The following CACNA1E variants were observed in gnomAD, a reference collection of about 807,000 sequenced individuals.
The protein encoded by CACNA1E is voltage-dependent R-type calcium channel subunit alpha-1E.
Under a neutral mutation model 259.2 loss-of-function variants are expected in CACNA1E, and 40 were observed. The observed-to-expected ratio is 0.15, with a 90% CI of 0.12 to 0.20. The LOEUF is 0.20. Ranked by LOEUF, CACNA1E falls within the 10% of genes least tolerant of loss-of-function variation. The pLI, the probability that CACNA1E is intolerant of heterozygous loss-of-function variation, is 1.00. For missense variants in CACNA1E, 1,874 were observed against 3,040.1 expected (o/e 0.62, Z 9.02); for synonymous variants, 1,104 against 1,138.5 (o/e 0.97, Z 0.61).
rs371537102 is a variant in CACNA1E at position 181,777,881 on chromosome 1, G to A, written c.5267+1653G>A. Among the ~76,000 whole-genome samples the A allele has an allele frequency of 3.1e-4, 47 of 152,312 alleles. No individual in the cohort carries two copies. The East Asian group carries it at 4.8e-3, about 16-fold the overall frequency. ...ACTCACCCAAGAGGAGAAACCAACT[G>A]TGAGCAAAAAAGTCCATTGTTCATC... On this transcript the variant is annotated intron_variant, in intron 38 of 47. Coordinates refer to ENST00000367573, the MANE Select transcript of CACNA1E (RefSeq NM_001205293.3).
intron 6 of CACNA1E, among the ~76,000 whole-genome samples, chr1:181,612,715 A>G (rs914630301): frequency 8.5e-5 from 13 of 152,156 alleles, no homozygotes; most frequent in Non-Finnish European, 1.5e-5. Flanking sequence ...CATATTCATA[A>G]CGGCTCTTTG....
intron 16 of CACNA1E, among the ~76,000 whole-genome samples, chr1:181,724,198 C>T (rs1264332049): frequency 1.3e-5 from 2 of 152,082 alleles, no homozygotes; most frequent in Admixed American, 6.5e-5. Flanking sequence ...TTTTCCTCAC[C>T]CCATCTGGCC....
chr1:181,650,510 A>G (rs923545985), intron 6 of CACNA1E, among the ~76,000 whole-genome samples: 2 of 152,190 alleles, frequency 1.3e-5, no homozygotes, highest in African/African-American at 4.8e-5. Flanking sequence ...GTCAAAGGGA[A>G]GACTGAGAAC....
In CACNA1E at chr1:181,678,673, T is replaced by C. The variant is rs141932553; in HGVS notation, c.1055+27232T>C. On this transcript the variant is annotated intron_variant, in intron 7 of 47. Coordinates refer to ENST00000367573, the MANE Select transcript of CACNA1E (RefSeq NM_001205293.3). The stretch of plus-strand genomic sequence containing the variant: ...ACCTCTTAGGAAAAGAGGGAGGCAA[T>C]TTAGCATTGTTTTGGATTACGGGGC... Among the ~76,000 whole-genome samples the C allele has an allele frequency of 5.8e-3, 876 of 152,296 alleles. 40 individuals are homozygous for C. Among genetic ancestry groups the C allele is most frequent in the Admixed American group, 0.047 (714 of 15,306 alleles).
chr1:181,504,669 C>T (rs1665557503), intron 1 of CACNA1E, among the ~76,000 whole-genome samples: 1 of 152,242 alleles, frequency 6.6e-6, no homozygotes, highest in South Asian at 2.1e-4. Context: ...GAACCAGCAT[C>T]ACCACCCTTG....
chr1:181,383,451 A>C (rs1372050564), intron 1 of CACNA1E, among the ~76,000 whole-genome samples: 1 of 152,242 alleles, frequency 6.6e-6, no homozygotes, highest in Non-Finnish European at 1.5e-5. Context: ...GAAAGGAAGC[A>C]GAAGTAGTAA....
intron 1 of CACNA1E, among the ~76,000 whole-genome samples, chr1:181,497,941 G>A (rs1049799559): frequency 3.9e-5 from 6 of 152,126 alleles, no homozygotes; most frequent in Non-Finnish European, 7.3e-5. Flanking sequence ...AGCTTGAGTC[G>A]GAATCTGAGA....
chr1:181,547,598 C>T (rs376928202), intron 3 of CACNA1E, among the ~76,000 whole-genome samples: 16 of 152,358 alleles, frequency 1.1e-4, no homozygotes, highest in African/African-American at 2.6e-4. Context: ...CCTAGTCCAG[C>T]GCTCCTTCCA....
chr1:181,469,094 A>G (rs1662334120), intron 2 of CACNA1E, among the ~76,000 whole-genome samples: 1 of 152,134 alleles, frequency 6.6e-6, no homozygotes, highest in African/African-American at 2.4e-5. Flanking sequence ...GGCATTGGGG[A>G]TACAACATTG....
chr1:181,506,498 A>G (rs1183969017), intron 1 of CACNA1E, among the ~76,000 whole-genome samples: 3 of 152,210 alleles, frequency 2.0e-5, no homozygotes, highest in Non-Finnish European at 4.4e-5. Flanking sequence ...AACATTGACT[A>G]AGCTCCTACT....
At chr1:181,761,956 A>G (rs1237051345) in intron 32 of CACNA1E, among the ~76,000 whole-genome samples, 1 of 152,210 alleles carries the variant, frequency 6.6e-6, no homozygotes, top group Non-Finnish European at 1.5e-5. Flanking sequence ...TGGAAAGATG[A>G]AGTCTATTTA....
chr1:181,778,985 T>C (rs191306567), intron 38 of CACNA1E, among the ~76,000 whole-genome samples: 1 of 152,354 alleles, frequency 6.6e-6, no homozygotes, highest in African/African-American at 2.4e-5. Flanking sequence ...CCACTGCCCC[T>C]GAAAAGTGGG....
chr1:181,653,520 G>A (rs990481848), intron 7 of CACNA1E, among the ~76,000 whole-genome samples: 5 of 152,296 alleles, frequency 3.3e-5, no homozygotes, highest in Middle Eastern at 3.4e-3. Flanking sequence ...TCAGTCTTGC[G>A]TATGTCTTTA....
intron 6 of CACNA1E, 132 bp from the exon 7 acceptor site, chr1:181,651,206 G>T: frequency 3.3e-6 from 2 of 610,622 alleles, no homozygotes; most frequent in South Asian, 2.0e-5. Flanking sequence ...ACCAAATTGG[G>T]AATGGAGTAA....
chr1:181,704,942 C>A (rs1158777709), intron 7 of CACNA1E, among the ~76,000 whole-genome samples: 1 of 152,180 alleles, frequency 6.6e-6, no homozygotes, highest in Non-Finnish European at 1.5e-5. Flanking sequence ...CTGTGACTGA[C>A]TCTGGGGTCA....
intron 2 of CACNA1E, among the ~76,000 whole-genome samples, chr1:181,437,021 A>ACC (rs1253381241): frequency 6.6e-6 from 1 of 151,818 alleles, no homozygotes; most frequent in Non-Finnish European, 1.5e-5. Flanking sequence ...ATAATAGAAA[A>ACC]CCCCCAAAAA....
intron 6 of CACNA1E, among the ~76,000 whole-genome samples, chr1:181,620,814 A>G (rs182792699): frequency 5.3e-5 from 8 of 152,342 alleles, no homozygotes; most frequent in Non-Finnish European, 7.4e-5. Context: ...TCATTCACAT[A>G]GGAGATTGGG....
intron 1 of CACNA1E, among the ~76,000 whole-genome samples, chr1:181,390,563 T>A (rs660279): frequency 0.47 from 71,513 of 151,744 alleles, 17,117 homozygotes; most frequent in African/African-American, 0.56. Context: ...AATCCATGAG[T>A]CAGGGAAGCA....
chr1:181,343,113 G>A (rs966908147), intron 1 of CACNA1E, among the ~76,000 whole-genome samples: 5 of 151,962 alleles, frequency 3.3e-5, no homozygotes, highest in Admixed American at 2.0e-4. Context: ...CAGTTAGGAT[G>A]CCTCCTGGAA....
Sources: allele counts gnomAD v4.1 joint callset (sites outside exome capture counted in the v4.1 genomes callset), GRCh38; gene constraint gnomAD v4.1.1; transcripts MANE v1.5; gene names NCBI Gene and HGNC (gene_info 2026-07-23, HGNC 2026-07-21).